The following TNR variants were observed in gnomAD, a reference collection of about 807,000 sequenced individuals.
TNR encodes the protein tenascin R, also known as tenascin-R.
In TNR, 45 loss-of-function variants were observed where a neutral mutation model predicts 150.4. That is an observed-to-expected ratio of 0.30 (90% confidence interval 0.24 to 0.38). The LOEUF (loss-of-function observed/expected upper bound fraction) is 0.38, where lower values mean the gene tolerates loss of function less well. TNR is among the 10% of genes least tolerant of loss of function. The pLI is 1.00. For missense variants in TNR, 1,544 were observed against 1,759.1 expected (o/e 0.88, Z 2.19); for synonymous variants, 687 against 678.4 (o/e 1.01, Z -0.20).
At chr1:175,450,427 A>G (rs1302945408) in intron 2 of TNR, among the ~76,000 whole-genome samples, 2 of 152,166 alleles carry the variant, frequency 1.3e-5, no homozygotes, top group African/African-American at 4.8e-5. Flanking sequence ...CTCAGGGACC[A>G]CCTCCTCCAG....
chr1:175,597,811 A>G (rs762954891), intron 1 of TNR, among the ~76,000 whole-genome samples: 7 of 152,198 alleles, frequency 4.6e-5, no homozygotes, highest in Admixed American at 1.3e-4. Context: ...GCAGTTAGGG[A>G]AGAATGAATT....
chr1:175,696,879 CA>C (rs66502339), intron 1 of TNR, among the ~76,000 whole-genome samples: 13,892 of 110,462 alleles, frequency 0.13, 775 homozygotes, highest in African/African-American at 0.24. Context: ...AACTCCATCT[CA>C]AAAAAAAAAA....
At chr1:175,411,970 A>T (rs1056450206) in intron 2 of TNR, among the ~76,000 whole-genome samples, 1 of 152,110 alleles carries the variant, frequency 6.6e-6, no homozygotes, top group Non-Finnish European at 1.5e-5. Flanking sequence ...AGGAGTCAAG[A>T]TATTTAGCGA....
intron 1 of TNR, among the ~76,000 whole-genome samples, chr1:175,697,112 T>C (rs1666554329): frequency 6.6e-6 from 1 of 151,834 alleles, no homozygotes; most frequent in Non-Finnish European, 1.5e-5. Context: ...TGTATATGTA[T>C]GTACATATAT....
At chr1:175,674,519 T>C (rs934830436) in intron 1 of TNR, among the ~76,000 whole-genome samples, 11 of 152,228 alleles carry the variant, frequency 7.2e-5, no homozygotes, top group African/African-American at 2.7e-4. Flanking sequence ...CACATGAATG[T>C]GCACACACAG....
At chr1:175,469,242 A>G (rs1657169844) in intron 2 of TNR, among the ~76,000 whole-genome samples, 1 of 152,158 alleles carries the variant, frequency 6.6e-6, no homozygotes, top group Admixed American at 6.5e-5. Flanking sequence ...AATAACAAGA[A>G]GACCCAGCCT....
intron 1 of TNR, among the ~76,000 whole-genome samples, chr1:175,600,990 T>C (rs1663211131): frequency 6.6e-6 from 1 of 152,264 alleles, no homozygotes; most frequent in East Asian, 1.9e-4. Flanking sequence ...TTGCAGCATT[T>C]GTTTAGATAA....
At chr1:175,438,981 A>G (rs1304439104) in intron 2 of TNR, among the ~76,000 whole-genome samples, 2 of 152,216 alleles carry the variant, frequency 1.3e-5, no homozygotes, top group Admixed American at 6.5e-5. Flanking sequence ...TGCCATCCCC[A>G]TCAAGCTACC....
chr1:175,459,598 G>A (rs1346587243), intron 2 of TNR, among the ~76,000 whole-genome samples: 1 of 152,064 alleles, frequency 6.6e-6, no homozygotes, highest in African/African-American at 2.4e-5. Context: ...CTGAACCAAG[G>A]TTCCCACCTC....
intron 1 of TNR, among the ~76,000 whole-genome samples, chr1:175,589,580 C>T (rs1481127045): frequency 6.6e-6 from 1 of 151,872 alleles, no homozygotes; most frequent in Non-Finnish European, 1.5e-5. Flanking sequence ...GTAGGATGAA[C>T]AAAATTTTAA....
chr1:175,575,144 G>C (rs1662048792), intron 1 of TNR, among the ~76,000 whole-genome samples: 1 of 152,206 alleles, frequency 6.6e-6, no homozygotes, highest in Non-Finnish European at 1.5e-5. Flanking sequence ...CCAGGACAAA[G>C]CTTTATTTCA....
At chr1:175,717,224 C>T (rs767166163) in intron 1 of TNR, among the ~76,000 whole-genome samples, 14 of 152,106 alleles carry the variant, frequency 9.2e-5, no homozygotes, top group African/African-American at 3.1e-4. Flanking sequence ...TTTAAAATCT[C>T]GGTTTCCTGT....
chr1:175,576,103 G>A (rs752472207), intron 1 of TNR, among the ~76,000 whole-genome samples: 1 of 152,234 alleles, frequency 6.6e-6, no homozygotes, highest in Non-Finnish European at 1.5e-5. Context: ...TTAATGCTAA[G>A]AATTTTCCTT....
Position 175,321,890 on chromosome 1 carries a change from T to G in TNR, c.*1467A>C, listed in dbSNP as rs1371896408. On this transcript the variant is annotated 3_prime_UTR_variant, in exon 23 of 23. Transcript: ENST00000367674. Reference sequence around the variant, plus strand: ...ATAGGACCAAAAAAGAAAAAAAAAATCAACCTCTTTCCAGGATTATCAGTC... The same window carrying G: ...ATAGGACCAAAAAAGAAAAAAAAAAGCAACCTCTTTCCAGGATTATCAGTC... 6.6e-6 allele frequency: 1 copy of G among 151,772 alleles called. No homozygotes were observed. Among genetic ancestry groups the G allele is most frequent in the African/African-American group, 2.4e-5 (1 of 41,292 alleles). The allele number at this position is 151,772 out of a possible 1,614,324, so 9.4% of individuals were successfully genotyped here. A position where few individuals can be genotyped will look rare whatever the true frequency, so the allele number is the denominator to read the frequency against.
intron 1 of TNR, among the ~76,000 whole-genome samples, chr1:175,705,213 A>G (rs538404305): frequency 1.3e-4 from 20 of 152,308 alleles, no homozygotes; most frequent in African/African-American, 4.3e-4. Flanking sequence ...GACTTTTTCT[A>G]GAAAAGAGCA....
intron 1 of TNR, among the ~76,000 whole-genome samples, chr1:175,568,184 G>A (rs910642435): frequency 6.6e-6 from 1 of 152,196 alleles, no homozygotes; most frequent in African/African-American, 2.4e-5. Context: ...CCCATTCAAG[G>A]ACTGCTTTTC....
intron 22 of TNR, among the ~76,000 whole-genome samples, chr1:175,324,011 T>C (rs1167832297): frequency 6.6e-6 from 1 of 152,206 alleles, no homozygotes. Flanking sequence ...GGAAAGATTG[T>C]CCAGTTCACA....
chr1:175,671,765 G>A (rs1253406875), intron 1 of TNR, among the ~76,000 whole-genome samples: 2 of 152,144 alleles, frequency 1.3e-5, no homozygotes, highest in Admixed American at 1.3e-4. Context: ...AGTGAAGCAA[G>A]GCTTACCTCC....
chr1:175,477,882 C>T (rs964394850), intron 2 of TNR, among the ~76,000 whole-genome samples: 1 of 152,222 alleles, frequency 6.6e-6, no homozygotes, highest in African/African-American at 2.4e-5. Flanking sequence ...CAGCTTCTGA[C>T]TGATCATCCT....
Sources: allele counts gnomAD v4.1 joint callset (sites outside exome capture counted in the v4.1 genomes callset), GRCh38; gene constraint gnomAD v4.1.1; transcripts MANE v1.5; gene names NCBI Gene and HGNC (gene_info 2026-07-23, HGNC 2026-07-21).